Variants in PITPNM1 observed in about 807,000 individuals in gnomAD.
PITPNM1 encodes the protein phosphatidylinositol transfer protein membrane associated 1.
PITPNM1 carries 74 observed loss-of-function variants against 133.3 expected under a neutral mutation model. That is an observed-to-expected ratio of 0.56 (90% CI 0.46 to 0.67). The LOEUF is 0.67. PITPNM1 is among the 30% of genes least tolerant of loss of function. The probability of loss-of-function intolerance (pLI) is 0.00; values close to 1 mark genes in which losing one functional copy is unlikely to be tolerated. For synonymous variants in PITPNM1, 738 were observed against 741.4 expected, an observed-to-expected ratio of 1.00 and a Z score of 0.08; for missense variants, 1,398 against 1,739.5, an observed-to-expected ratio of 0.80 and a Z score of 3.49.
Position 67,492,100 on chromosome 11 carries a change from G to A in PITPNM1, c.3668C>T (p.Thr1223Ile). ...GCCCCGTGCCAGGGTGGTGGGTGGTGTTCCCGGGCCCTCACGCTCCGCCTG... is the reference window on the plus strand; with the variant it reads ...GCCCCGTGCCAGGGTGGTGGGTGGTATTCCCGGGCCCTCACGCTCCGCCTG... ...PSQAEREGPG[T>I]PPTTLARGKA... The change falls in exon 24 of 24, where the codon ACA (threonine) becomes ATA (isoleucine). Residue 1223 changes from threonine to isoleucine, a missense_variant. This residue lies in a region of PITPNM1 where 122 missense variants were observed against 123.3 expected (regional missense o/e 0.99). Transcript: ENST00000356404. 6.2e-7 allele frequency: 1 copy of A among 1,612,402 alleles called. No individual in the cohort carries two copies. The highest frequency in any genetic ancestry group is 8.5e-7 in the Non-Finnish European group (1 of 1,179,874).
chr11:67,501,835 T>C (rs373526474), intron 5 of PITPNM1, 27 bp downstream of exon 5: 56 of 1,599,450 alleles, frequency 3.5e-5, no homozygotes, highest in Non-Finnish European at 3.9e-5. Flanking sequence ...GCTGGGTAAG[T>C]GGGACCTCCC....
At chr11:67,501,262 T>A (rs1866314233) in intron 5 of PITPNM1, among the ~76,000 whole-genome samples, 1 of 152,274 alleles carries the variant, frequency 6.6e-6, no homozygotes, top group Admixed American at 6.5e-5. Flanking sequence ...GGCCAGTGCC[T>A]TGCTGGAGGT....
intron 14 of PITPNM1, 53 bp from the exon 15 acceptor site, chr11:67,496,401 C>T: frequency 6.6e-7 from 1 of 1,509,922 alleles, no homozygotes; most frequent in African/African-American, 1.4e-5. Context: ...CAGCTGGGCA[C>T]TCTGGGAGGT....
In PITPNM1 at chr11:67,500,287, A is replaced by G. The variant is rs754386948; in HGVS notation, c.775T>C (p.Cys259Arg). The change falls in exon 6 of 24, where the codon TGC becomes CGC. Residue 259 changes from cysteine to arginine, a missense_variant. Physicochemically the swap from Cys to Arg is radical, Grantham distance 180. Transcript: ENST00000356404. The part of the protein sequence containing the change: ...ARMLAQRMAK[C>R]NTGSEGSEAQ... ...TCGGACCCCTCACTGCCTGTGTTGC[A>G]CTTGGCCATGCGCTGGGCCAGCATG... The G allele has an allele frequency of 6.2e-7, 1 of 1,610,394 alleles. No homozygotes were observed. Among genetic ancestry groups the G allele is most frequent in the South Asian group, 1.1e-5 (1 of 91,084 alleles).
rs150207727 is a variant in PITPNM1, at chr11:67,495,521, C to A, written c.2399G>T (p.Gly800Val). ...CAACTCACTGCCCTTCCAGAAGGCA[C>A]CGCTAGTAGAGGTGGGTGTTGAGGG... ...LVPSTPTSTS[G>V]AFWKGSELAT... The change falls in exon 16 of 24, where the codon GGT (glycine) becomes GTT (valine). Residue 800 changes from glycine (G) to valine (V), a missense_variant. Coordinates refer to ENST00000356404, the MANE Select transcript of PITPNM1 (RefSeq NM_004910.3). 4.8e-5 allele frequency: 76 copies of A among 1,587,224 alleles called. 2 individuals are homozygous for A. The South Asian group carries it at 7.8e-4, about 16-fold the overall frequency.
rs1333889918 is a variant in PITPNM1 at position 67,498,087 on chromosome 11, GGGGCTGCAGTGGA to G, written c.1674+33_1674+45del. 2 of 1,607,014 alleles carry G rather than the reference GGGGCTGCAGTGGA, an allele frequency of 1.2e-6. No individual in the cohort carries two copies. Among genetic ancestry groups the G allele is most frequent in the Non-Finnish European group, 1.7e-6 (2 of 1,176,774 alleles). On this transcript the variant is annotated intron_variant, in intron 11 of 23. Transcript: ENST00000356404. The surrounding 1 kb of genome is among the most constrained non-coding windows in gnomAD (Gnocchi z 5.7). ...TCCTCACCCAGGCCAGACTACAGTGGGGGCTGCAGTGGAGGGCAGCAGATGGACTGTCCCTAAC... is the reference window on the plus strand; with the variant it reads ...TCCTCACCCAGGCCAGACTACAGTGGGGGCAGCAGATGGACTGTCCCTAAC...
At position 67,494,842 on chromosome 11, in the gene PITPNM1, C is replaced by A. The variant is rs1418544081; in HGVS notation, c.2742+4G>T. On this transcript the variant is annotated splice_donor_region_variant and intron_variant, in intron 18 of 23. Coordinates refer to ENST00000356404, the MANE Select transcript of PITPNM1 (RefSeq NM_004910.3). ...GGCGAGGGGGCGAGGGGCAGGGCAC[C>A]TACCCGGATCTTGACCTGCGTGCGT... 1.5e-5 allele frequency: 24 copies of A among 1,606,150 alleles called. No homozygotes were observed. Among genetic ancestry groups the A allele is most frequent in the Non-Finnish European group, 2.0e-5 (23 of 1,174,488 alleles).
chr11:67,492,463 G>A (rs1362384187), intron 23 of PITPNM1, among the ~76,000 whole-genome samples, 167 bp from the exon 24 acceptor site: 10 of 152,228 alleles, frequency 6.6e-5, no homozygotes, highest in Non-Finnish European at 1.5e-4. Context: ...TGGGAGCCAG[G>A]GCACCTTGGC....
Position 67,500,166 on chromosome 11 carries a change from G to T in PITPNM1, c.896C>A (p.Ala299Asp). The T allele has an allele frequency of 6.3e-7, 1 of 1,595,330 alleles. No individual in the cohort carries two copies. The highest frequency in any genetic ancestry group is 8.5e-7 in the Non-Finnish European group (1 of 1,170,984). The change falls in exon 6 of 24, where the codon GCC (alanine) becomes GAC (aspartate). Residue 299 changes from alanine to aspartate, a missense_variant. Coordinates refer to ENST00000356404, the MANE Select transcript of PITPNM1 (RefSeq NM_004910.3). ...CTTCCCAAAGCTGGCATCGGGGGAG[G>T]CATCTGGGCCTGGGGGGGCCTCAGG... Reference protein sequence around the residue: ...DGPEAPPGPDASPDASFGKQW... With the variant: ...DGPEAPPGPDDSPDASFGKQW...
chr11:67,496,027 A>G (rs1307980426), intron 15 of PITPNM1, 151 bp downstream of exon 15: 2 of 787,850 alleles, frequency 2.5e-6, no homozygotes, highest in African/African-American at 3.7e-5. Context: ...CTGGGGATCC[A>G]GACCCCCCCA....
Position 67,496,216 on chromosome 11 carries a change from T to C in PITPNM1, c.2279A>G (p.Gln760Arg). Residue 760 changes from glutamine (Q) to arginine (R), a missense_variant, in exon 15 of 24, where the codon CAG becomes CGG. Around this residue, in one of 5 missense-constraint regions of PITPNM1, gnomAD observed 574 missense variants for 698.7 expected, o/e 0.82. Coordinates refer to ENST00000356404, the MANE Select transcript of PITPNM1 (RefSeq NM_004910.3). ...TGAGCCATCTCCCAGGGGGAACTTC[T>C]GGTAGCGGGGCACGGTCAGTGGGGC... The part of the protein sequence containing the change: ...AIAPLTVPRY[Q>R]KFPLGDGSSL... The C allele has an allele frequency of 6.5e-7, 1 of 1,547,598 alleles. No individual in the cohort carries two copies. The highest frequency in any genetic ancestry group is 8.7e-7 in the Non-Finnish European group (1 of 1,152,788).
chr11:67,501,968 C>T lies in PITPNM1; in HGVS notation c.534G>A (p.Arg178=). The change falls in exon 5 of 24, where the codon CGG becomes CGA. Residue 178 remains arginine (R), a synonymous_variant. Coordinates refer to ENST00000356404, the MANE Select transcript of PITPNM1 (RefSeq NM_004910.3). The stretch of plus-strand genomic sequence containing the variant: ...TAAGGGGCCCCGTCTGTGCCGCCGT[C>T]CGTGCCCAGTCATCAGACAGTGGCC... ...GRGPLSDDWA[R]TAAQTGPLMC... is the part of the protein sequence containing the mutation. The T allele has an allele frequency of 1.9e-6, 3 of 1,613,576 alleles. No individual in the cohort carries two copies. The highest frequency in any genetic ancestry group is 2.5e-6 in the Non-Finnish European group (3 of 1,180,032).
rs1336437171 is a variant in PITPNM1, at chr11:67,497,755, G to A, written c.1783-76C>T. 5 of 1,571,976 alleles carry A rather than the reference G, an allele frequency of 3.2e-6. No homozygotes were observed. In the African/African-American group the frequency reaches 4.1e-5, roughly 13 times the overall value. ...TTCTACTTACTTAGAAGTGAGGAGC[G>A]AGGCTTGGGGGTTGGGCAGAGCAGA... On this transcript the variant is annotated intron_variant, in intron 12 of 23. Coordinates refer to ENST00000356404, the MANE Select transcript of PITPNM1 (RefSeq NM_004910.3).
chr11:67,496,530 T>C, intron 14 of PITPNM1, 182 bp from the exon 15 acceptor site: 1 of 546,834 alleles, frequency 1.8e-6, no homozygotes, highest in Non-Finnish European at 3.1e-6. Context: ...CTGGGCACCG[T>C]GGCTCATGCC....
rs377471668 is a variant in PITPNM1 at position 67,497,367 on chromosome 11, G to T, written c.2010C>A (p.Pro670=). 2.7e-4 allele frequency: 425 copies of T among 1,602,102 alleles called. No individual in the cohort carries two copies. The highest frequency in any genetic ancestry group is 3.5e-4 in the Non-Finnish European group (411 of 1,172,752). ...PRRASTAFCP[P]AASSEAPDGP... is the part of the protein sequence containing the mutation. ...CGTCAGGTGCCTCGGAACTGGCAGC[G>T]GGTGGGCAGAAGGCCGTGCTTGCCC... Residue 670 remains proline (P), a synonymous_variant, in exon 14 of 24, where the codon CCC becomes CCA. Transcript: ENST00000356404.
intron 8 of PITPNM1, 28 bp from the exon 9 acceptor site, chr11:67,499,029 GA>G (rs779429354): frequency 6.3e-6 from 10 of 1,593,784 alleles, no homozygotes; most frequent in Non-Finnish European, 8.5e-6. Context: ...CAGTGAGAGG[GA>G]CGGAGAGGAC....
At position 67,493,317 on chromosome 11, in the gene PITPNM1, T is replaced by A. The variant is rs559408339; in HGVS notation, c.3342+93A>T. 6.0e-6 allele frequency: 8 copies of A among 1,339,926 alleles called. No individual in the cohort carries two copies. In the African/African-American group the frequency reaches 1.0e-4, roughly 17 times the overall value. 83.0% of individuals were successfully genotyped at this position (1,339,926 alleles called of 1,614,324 possible). ...TCAGGCAGGGCCCGGGCCGATCCAG[T>A]TGGGAACAGATGGGCCTCCGCCGAT... On this transcript the variant is annotated intron_variant, in intron 22 of 23. Coordinates refer to ENST00000356404, the MANE Select transcript of PITPNM1 (RefSeq NM_004910.3).
In PITPNM1 at chr11:67,498,514, C is replaced by T; in HGVS notation, c.1484+82G>A. On this transcript the variant is annotated intron_variant, in intron 10 of 23. Transcript: ENST00000356404. The surrounding 1 kb of genome is among the most constrained non-coding windows in gnomAD (Gnocchi z 5.7). ...GCCAGTGACCGACCCAGGTGTCTGG[C>T]TTCCTGACCCCTTCCCCGCTCCCTG... The T allele has an allele frequency of 6.5e-7, 1 of 1,539,928 alleles. No homozygotes were observed. The highest frequency in any genetic ancestry group is 1.8e-5 in the Admixed American group (1 of 56,628).
Position 67,494,848 on chromosome 11 carries a change from G to A in PITPNM1, c.2740C>T (p.Arg914Trp). The change falls in exon 18 of 24, where the codon CGG becomes TGG. Residue 914 changes from arginine to tryptophan, a missense_variant and splice_region_variant. Around this residue, in one of 5 missense-constraint regions of PITPNM1, gnomAD observed 233 missense variants for 378.0 expected, o/e 0.62. Coordinates refer to ENST00000356404, the MANE Select transcript of PITPNM1 (RefSeq NM_004910.3). ...WQRKRTQVKIRNVTSNHRASD... is the reference protein window; with the variant it reads ...WQRKRTQVKIWNVTSNHRASD... ...GGGGCGAGGGGCAGGGCACCTACCC[G>A]GATCTTGACCTGCGTGCGTTTTCGC... 1 of 1,610,474 alleles carries A rather than the reference G, an allele frequency of 6.2e-7. No homozygotes were observed.
Sources: allele counts gnomAD v4.1 joint callset (sites outside exome capture counted in the v4.1 genomes callset), GRCh38; gene constraint gnomAD v4.1.1; regional missense constraint gnomAD v4.1.1; non-coding constraint Gnocchi (gnomAD v3.1); transcripts MANE v1.5; gene names NCBI Gene and HGNC (gene_info 2026-07-23, HGNC 2026-07-21).